AAK1: variants seen among roughly 807,000 people sequenced by gnomAD.
The protein encoded by AAK1 is AP2 associated kinase 1, also known as AP2-associated protein kinase 1.
A neutral mutation model predicts 116.0 loss-of-function variants in AAK1; 37 were observed. The ratio of observed to expected loss-of-function variants is 0.32; its 90% CI spans 0.25 to 0.42. The LOEUF (loss-of-function observed/expected upper bound fraction) is 0.42. AAK1 is among the 10% of genes least tolerant of loss of function. The pLI is 1.00. For synonymous variants in AAK1, 458 were observed against 439.9 expected (o/e 1.04, Z -0.51); for missense variants, 919 against 1,170.6 (o/e 0.79, Z 3.14).
rs999774149 is a variant in AAK1, at chr2:69,474,255, G to A, written c.*1614C>T. The A allele has an allele frequency of 1.0e-6, 1 of 985,836 alleles. No homozygotes were observed. The highest frequency in any genetic ancestry group is 4.7e-5 in the South Asian group (1 of 21,284). 61.1% of individuals were successfully genotyped at this position (985,836 alleles called of 1,614,324 possible). The stretch of plus-strand genomic sequence containing the variant: ...TACTAGATAGCAAAACAAGCAAATG[G>A]ACTTGGAATTTTATTTGTACAGATC... On this transcript the variant is annotated 3_prime_UTR_variant, in exon 22 of 22. Transcript: ENST00000409085.
At chr2:69,528,204 G>T (rs927539443) in intron 8 of AAK1, among the ~76,000 whole-genome samples, 4 of 152,216 alleles carry the variant, frequency 2.6e-5, no homozygotes, top group African/African-American at 9.6e-5. Flanking sequence ...GAGCCAGAAG[G>T]ACAGGGTAGA....
Position 69,519,019 on chromosome 2 carries a change from G to A in AAK1, c.1432C>T (p.Pro478Ser). Residue 478 changes from proline to serine, a missense_variant, in exon 12 of 22, where the codon CCA (proline) becomes TCA (serine). Coordinates refer to ENST00000409085, the MANE Select transcript of AAK1 (RefSeq NM_014911.5). ...GCCGGCTGCTGCTGTGCTGGCGGTG[G>A]CTGTTGCTGCTGCTGTTGCTGCTTG... ...FLKQQQQQQQ[P>S]PPAQQQPAGT... 6.5e-7 allele frequency: 1 copy of A among 1,549,834 alleles called. No homozygotes were observed. The highest frequency in any genetic ancestry group is 8.7e-7 in the Non-Finnish European group (1 of 1,146,242).
At chr2:69,556,782 C>G in intron 3 of AAK1, 78 bp downstream of exon 3, 1 of 1,152,282 alleles carries the variant, frequency 8.7e-7, no homozygotes, top group Non-Finnish European at 1.3e-6. Flanking sequence ...AGGGAACAAA[C>G]CCCGCTTGGC....
At chr2:69,559,297 C>T (rs1671532021) in intron 2 of AAK1, among the ~76,000 whole-genome samples, 1 of 75,352 alleles carries the variant, frequency 1.3e-5, no homozygotes, top group Non-Finnish European at 3.2e-5. Flanking sequence ...CACACACACA[C>T]ACTCTCTCTC....
chr2:69,543,931 C>A (rs1479870285), intron 4 of AAK1, among the ~76,000 whole-genome samples: 1 of 152,198 alleles, frequency 6.6e-6, no homozygotes, highest in Admixed American at 6.5e-5. Flanking sequence ...TTAACAGCTG[C>A]ATCATTTGAA....
chr2:69,472,070 T>C lies in AAK1; in HGVS notation c.*3799A>G. ...TTTCAGAGGTGTTTTAATACCCATATCTTTCAATGTTTTAAACCATTCTAA... is the reference window on the plus strand; with the variant it reads ...TTTCAGAGGTGTTTTAATACCCATACCTTTCAATGTTTTAAACCATTCTAA... On this transcript the variant is annotated 3_prime_UTR_variant, in exon 22 of 22. Transcript: ENST00000409085. 1.0e-6 allele frequency: 1 copy of C among 985,182 alleles called. No individual in the cohort carries two copies. The highest frequency in any genetic ancestry group is 1.2e-6 in the Non-Finnish European group (1 of 829,690). 61.0% of individuals were successfully genotyped at this position (985,182 alleles called of 1,614,324 possible).
At position 69,505,837 on chromosome 2, in the gene AAK1, G is replaced by A. The variant is rs1312702301; in HGVS notation, c.2165-164C>T. Reference sequence around the variant, plus strand: ...TCCTTGTCTAGTCATTGCAATAACTGAGAGAACGGCTGAGAAAAAAAAGGA... The same window carrying A: ...TCCTTGTCTAGTCATTGCAATAACTAAGAGAACGGCTGAGAAAAAAAAGGA... On this transcript the variant is annotated intron_variant, in intron 15 of 21. Transcript: ENST00000409085. 3.9e-5 allele frequency among the ~76,000 whole-genome samples: 6 copies of A among 152,248 alleles called. No homozygotes were observed. In the East Asian group the frequency reaches 1.2e-3, roughly 29 times the overall value.
At chr2:69,602,948 T>G (rs566889281) in intron 2 of AAK1, among the ~76,000 whole-genome samples, 2 of 152,330 alleles carry the variant, frequency 1.3e-5, no homozygotes, top group African/African-American at 4.8e-5. Flanking sequence ...CTATGTATTA[T>G]CCCATTTACA....
chr2:69,592,506 A>T (rs918420324), intron 2 of AAK1, among the ~76,000 whole-genome samples: 1 of 152,240 alleles, frequency 6.6e-6, no homozygotes, highest in African/African-American at 2.4e-5. Flanking sequence ...TAAAACTGCT[A>T]AAAGAAAATT....
intron 5 of AAK1, among the ~76,000 whole-genome samples, chr2:69,540,041 C>T (rs17036760): frequency 0.042 from 6,436 of 151,902 alleles, 461 homozygotes; most frequent in African/African-American, 0.15. Context: ...ATATTTGTCC[C>T]ATCCCCACAG....
chr2:69,584,523 GGTTTCCCAACTTGTTTCAA>G (rs1338183260), intron 2 of AAK1, among the ~76,000 whole-genome samples: 1 of 151,992 alleles, frequency 6.6e-6, no homozygotes. Flanking sequence ...TTGGTGCCTT[GGTTTCCCAACTTGTTTCAA>G]GTTGGGAACT....
chr2:69,530,645 T>C lies in AAK1; in HGVS notation c.718A>G (p.Thr240Ala). ...CCTACCCAAATGTCTGCCTTCGTAG[T>C]GATGATTTTGCCACTGTACAGGTTG... ...MVNLYSGKII[T>A]TKADIWALGC... Residue 240 changes from threonine to alanine, a missense_variant, in exon 7 of 22, where the codon ACT becomes GCT. Transcript: ENST00000409085. 6.2e-7 allele frequency: 1 copy of C among 1,613,704 alleles called. No individual in the cohort carries two copies. Among genetic ancestry groups the C allele is most frequent in the Non-Finnish European group, 8.5e-7 (1 of 1,179,666 alleles).
In AAK1 at chr2:69,472,523, C is replaced by T. The variant is rs183574145; in HGVS notation, c.*3346G>A. ...AGGGGAACAACACTTAATTAGATGT[C>T]AAAATTCTGATATGTCTGCTAAAGA... On this transcript the variant is annotated 3_prime_UTR_variant, in exon 22 of 22. Coordinates refer to ENST00000409085, the MANE Select transcript of AAK1 (RefSeq NM_014911.5). 6.4e-3 allele frequency: 5,373 copies of T among 836,206 alleles called. 27 individuals are homozygous for T. The highest frequency in any genetic ancestry group is 7.0e-3 in the Non-Finnish European group (4,878 of 694,024). 51.8% of individuals were successfully genotyped at this position (836,206 alleles called of 1,614,324 possible).
At position 69,461,704 on chromosome 2, in the gene AAK1, G is replaced by A; in HGVS notation, c.*14165C>T. The A allele has an allele frequency of 2.4e-6, 1 of 409,844 alleles. No homozygotes were observed. The highest frequency in any genetic ancestry group is 1.7e-5 in the South Asian group (1 of 59,398). 25.4% of individuals were successfully genotyped at this position (409,844 alleles called of 1,614,324 possible). On this transcript the variant is annotated 3_prime_UTR_variant, in exon 22 of 22. Transcript: ENST00000409085. ...CTGCCTCCCTGGGTCAAGCAATTCT[G>A]CCTCAGCCTCCCTAGTAACTGGGAC...
intron 13 of AAK1, among the ~76,000 whole-genome samples, 198 bp from the exon 14 acceptor site, chr2:69,509,658 TAAC>T (rs1481118055): frequency 6.6e-6 from 1 of 152,188 alleles, no homozygotes; most frequent in African/African-American, 2.4e-5. Flanking sequence ...TTGAGACTGA[TAAC>T]AACATGGTAT....
Position 69,468,271 on chromosome 2 carries a change from T to C in AAK1, c.*7598A>G, listed in dbSNP as rs1328358202. 2.0e-6 allele frequency: 2 copies of C among 985,214 alleles called. No individual in the cohort carries two copies. The highest frequency in any genetic ancestry group is 1.7e-5 in the African/African-American group (1 of 57,224). 61.0% of individuals were successfully genotyped at this position (985,214 alleles called of 1,614,324 possible). On this transcript the variant is annotated 3_prime_UTR_variant, in exon 22 of 22. Transcript: ENST00000409085. Reference sequence around the variant, plus strand: ...ATCCTAATTTCTCAGGCAAGTAAATTGATATTAGATTTGTCTCAGTGATAC... The same window carrying C: ...ATCCTAATTTCTCAGGCAAGTAAATCGATATTAGATTTGTCTCAGTGATAC...
intron 15 of AAK1, 54 bp downstream of exon 15, chr2:69,507,367 T>C: frequency 6.3e-7 from 1 of 1,576,218 alleles, no homozygotes; most frequent in Non-Finnish European, 8.6e-7. Context: ...TGGTTATTTC[T>C]TAGCACAGAG....
At chr2:69,615,484 G>A (rs1019817157) in intron 2 of AAK1, among the ~76,000 whole-genome samples, 4 of 152,228 alleles carry the variant, frequency 2.6e-5, no homozygotes, top group African/African-American at 9.6e-5. Context: ...GGAGTTTCTA[G>A]AAGAACCTGA....
chr2:69,557,809 T>A (rs929595443), intron 2 of AAK1, among the ~76,000 whole-genome samples: 2 of 152,224 alleles, frequency 1.3e-5, no homozygotes, highest in South Asian at 4.1e-4. Flanking sequence ...TAAATAGTTG[T>A]CAATTAATTT....
Sources: allele counts gnomAD v4.1 joint callset (sites outside exome capture counted in the v4.1 genomes callset), GRCh38; gene constraint gnomAD v4.1.1; transcripts MANE v1.5; gene names NCBI Gene and HGNC (gene_info 2026-07-23, HGNC 2026-07-21).